Variants in PLEKHA2 observed in about 807,000 individuals in gnomAD.
The protein encoded by PLEKHA2 is pleckstrin homology domain-containing family A member 2.
A neutral mutation model predicts 53.2 loss-of-function variants in PLEKHA2; 28 were observed. That is an observed-to-expected ratio of 0.53 (90% CI 0.39 to 0.72). The LOEUF (loss-of-function observed/expected upper bound fraction) is 0.72, where lower values mean the gene tolerates loss of function less well. PLEKHA2 is among the 30% of genes least tolerant of loss of function. PLEKHA2 has a pLI of 0.00. For missense variants in PLEKHA2, 426 were observed against 537.9 expected (o/e 0.79, Z 2.06); for synonymous variants, 193 against 196.4 (o/e 0.98, Z 0.14).
rs1835218979 is a variant in PLEKHA2 at position 38,970,053 on chromosome 8, T to C, written c.*270T>C. 1.8e-6 allele frequency: 1 copy of C among 552,888 alleles called. No individual in the cohort carries two copies. Among genetic ancestry groups the C allele is most frequent in the Admixed American group, 3.6e-5 (1 of 27,540 alleles). 34.2% of individuals were successfully genotyped at this position (552,888 alleles called of 1,614,324 possible). A position where few individuals can be genotyped will look rare whatever the true frequency, so the allele number is the denominator to read the frequency against. On this transcript the variant is annotated 3_prime_UTR_variant, in exon 12 of 12. Transcript: ENST00000617275. ...TAGGCATACTCAGTGGAGAGGAAGCTACCTATTCTATTCTAACTATTCTGA... is the reference window on the plus strand; with the variant it reads ...TAGGCATACTCAGTGGAGAGGAAGCCACCTATTCTATTCTAACTATTCTGA...
intron 4 of PLEKHA2, among the ~76,000 whole-genome samples, chr8:38,944,606 C>T (rs1834673321): frequency 6.6e-6 from 1 of 151,990 alleles, no homozygotes; most frequent in South Asian, 2.1e-4. Context: ...ATTTAAATAA[C>T]CAAATTTCAC....
chr8:38,957,241 A>G, intron 9 of PLEKHA2, 82 bp from the exon 10 acceptor site: 1 of 1,096,380 alleles, frequency 9.1e-7, no homozygotes, highest in Non-Finnish European at 1.3e-6. Context: ...TTTATGGTAG[A>G]GGGCACTGGG....
At chr8:38,932,152 A>G (rs1267427661) in intron 2 of PLEKHA2, among the ~76,000 whole-genome samples, 1 of 151,908 alleles carries the variant, frequency 6.6e-6, no homozygotes. Context: ...CACTACACCC[A>G]GCTAATTTCT....
At chr8:38,934,918 T>C (rs1375696193) in intron 2 of PLEKHA2, among the ~76,000 whole-genome samples, 1 of 152,108 alleles carries the variant, frequency 6.6e-6, no homozygotes, top group Non-Finnish European at 1.5e-5. Context: ...GTCAGTGAGA[T>C]CTCAGGGCAC....
intron 2 of PLEKHA2, among the ~76,000 whole-genome samples, chr8:38,923,500 C>T (rs116418474): frequency 0.014 from 2,135 of 152,306 alleles, 51 homozygotes; most frequent in African/African-American, 0.048. Context: ...AGCTACCGCG[C>T]CCAGCCTGTA....
intron 2 of PLEKHA2, among the ~76,000 whole-genome samples, chr8:38,933,817 T>C (rs1332600731): frequency 1.4e-5 from 1 of 69,876 alleles, no homozygotes; most frequent in East Asian, 2.4e-4. Flanking sequence ...AAGCAGTCGC[T>C]ATGTGGTTGA....
At chr8:38,952,483 G>A (rs1488798436) in intron 7 of PLEKHA2, among the ~76,000 whole-genome samples, 153 bp from the exon 8 acceptor site, 1 of 152,232 alleles carries the variant, frequency 6.6e-6, no homozygotes, top group Non-Finnish European at 1.5e-5. Context: ...ACCTGTCAGA[G>A]GTGTTGCCCC....
At position 38,952,201 on chromosome 8, in the gene PLEKHA2, G is replaced by C; in HGVS notation, c.522G>C (p.Gly174=). ...GGDGQEGSEP[G]SHTILRRSQS... ...ATGGGCAGGAAGGGAGTGAGCCCGG[G>C]TCCCACACCATCCTTCGAAGGTCTC... The change falls in exon 7 of 12, where the codon GGG becomes GGC. Residue 174 remains glycine, a synonymous_variant. Transcript: ENST00000617275. The C allele has an allele frequency of 6.2e-7, 1 of 1,613,342 alleles. No individual in the cohort carries two copies. Among genetic ancestry groups the C allele is most frequent in the Admixed American group, 1.7e-5 (1 of 59,932 alleles).
intron 4 of PLEKHA2, among the ~76,000 whole-genome samples, chr8:38,944,912 C>A (rs921442819): frequency 1.3e-5 from 2 of 150,430 alleles, no homozygotes; most frequent in African/African-American, 2.4e-5. Context: ...TTCTGTGAAC[C>A]TTATTTTAGA....
intron 2 of PLEKHA2, among the ~76,000 whole-genome samples, chr8:38,924,735 C>T (rs918490406): frequency 2.0e-5 from 3 of 152,210 alleles, no homozygotes; most frequent in Admixed American, 1.3e-4. Context: ...AAGTCAGTGG[C>T]AACGTCTGCT....
chr8:38,917,912 T>C lies in PLEKHA2; in HGVS notation c.-18T>C, dbSNP rs1391489546. 6.2e-7 allele frequency: 1 copy of C among 1,612,944 alleles called. No homozygotes were observed. The highest frequency in any genetic ancestry group is 1.3e-5 in the African/African-American group (1 of 74,848). ...CACCTCCCTCCTGCGCGCAGGGTGA[T>C]GTGAGCAGAGCCCAGGAATGCCTTA... On this transcript the variant is annotated 5_prime_UTR_variant, in exon 2 of 12. The change abolishes an upstream ATG in the 5' untranslated region. Transcript: ENST00000617275.
At chr8:38,930,467 G>T (rs2129418030) in intron 2 of PLEKHA2, among the ~76,000 whole-genome samples, 1 of 152,272 alleles carries the variant, frequency 6.6e-6, no homozygotes, top group East Asian at 1.9e-4. Flanking sequence ...GCCTCCCAAA[G>T]TGCTGGGATT....
chr8:38,967,613 T>C (rs2129425109), intron 10 of PLEKHA2, among the ~76,000 whole-genome samples: 1 of 152,302 alleles, frequency 6.6e-6, no homozygotes, highest in East Asian at 1.9e-4. Flanking sequence ...TTCATATGCT[T>C]CTTGGCCACT....
At position 38,969,501 on chromosome 8, in the gene PLEKHA2, C is replaced by T. The variant is rs1835202862; in HGVS notation, c.996C>T (p.Cys332=). ...CAAGTGGGCCCAACTCTATCCTGTG[C>T]AGGGGGCGGCCACCTTTGGAGGAAA... ...SLSSGPNSIL[C]RGRPPLEEKK... The change falls in exon 12 of 12, where the codon TGC becomes TGT. Residue 332 remains cysteine, a synonymous_variant. Coordinates refer to ENST00000617275, the MANE Select transcript of PLEKHA2 (RefSeq NM_021623.2). 1.9e-6 allele frequency: 3 copies of T among 1,613,712 alleles called. No individual in the cohort carries two copies. The South Asian group carries it at 3.3e-5, about 18-fold the overall frequency.
At chr8:38,958,040 C>G (rs1834973108) in intron 10 of PLEKHA2, among the ~76,000 whole-genome samples, 1 of 152,160 alleles carries the variant, frequency 6.6e-6, no homozygotes, top group South Asian at 2.1e-4. Context: ...GAAACTGACA[C>G]TTGGCCAGGC....
chr8:38,953,432 C>T, intron 9 of PLEKHA2, 65 bp downstream of exon 9: 1 of 1,425,582 alleles, frequency 7.0e-7, no homozygotes, highest in Non-Finnish European at 9.9e-7. Context: ...TCTCCCTTTA[C>T]TACCCTTCAG....
At chr8:38,936,285 A>G (rs1564128318) in intron 3 of PLEKHA2, among the ~76,000 whole-genome samples, 1 of 152,192 alleles carries the variant, frequency 6.6e-6, no homozygotes, top group East Asian at 1.9e-4. Flanking sequence ...CCTTGAACAC[A>G]TCAATCCATA....
At chr8:38,913,556 C>T (rs1833986994) in intron 1 of PLEKHA2, among the ~76,000 whole-genome samples, 1 of 152,132 alleles carries the variant, frequency 6.6e-6, no homozygotes, top group East Asian at 1.9e-4. Flanking sequence ...TCCTTGCAGC[C>T]CCTGCAAATC....
chr8:38,915,463 G>A (rs992746578), intron 1 of PLEKHA2, among the ~76,000 whole-genome samples: 14 of 152,184 alleles, frequency 9.2e-5, no homozygotes, highest in Admixed American at 2.0e-4. Flanking sequence ...CCTGCGCCTC[G>A]GCTTCTGGAT....
Sources: gnomAD v4.1 joint callset for allele counts (sites outside exome capture counted in the v4.1 genomes callset) on GRCh38, gnomAD v4.1.1 for gene constraint, MANE v1.5 for transcripts, NCBI Gene and HGNC (gene_info 2026-07-23, HGNC 2026-07-21) for gene names.